PADI4: variants seen among roughly 807,000 people sequenced by gnomAD.
PADI4 encodes protein-arginine deiminase type-4.
Under a neutral mutation model 75.0 loss-of-function variants are expected in PADI4, and 62 were observed. That is an observed-to-expected ratio of 0.83 (90% CI 0.67 to 1.02). The LOEUF is 1.02. Ranked by LOEUF, PADI4 falls within the 50% of genes least tolerant of loss-of-function variation. The probability of loss-of-function intolerance (pLI) is 0.00; values close to 1 mark genes in which losing one functional copy is unlikely to be tolerated. For missense variants in PADI4, 845 were observed against 850.5 expected, an observed-to-expected ratio of 0.99 and a Z score of 0.08; for synonymous variants, 361 against 348.1, an observed-to-expected ratio of 1.04 and a Z score of -0.41.
Position 17,309,172 on chromosome 1 carries a change from GAA to G in PADI4, c.92+873_92+874del, listed in dbSNP as rs35072789. On this transcript the variant is annotated intron_variant, in intron 1 of 15. Transcript: ENST00000375448. ...AAAAAAAAAAAAACAATTTTCCCTG[GAA>G]AAAAAAAAAAAAAAGAGCTGGAGTC... is the stretch of plus-strand genomic sequence containing the variant. 8.3e-4 allele frequency among the ~76,000 whole-genome samples: 119 copies of G among 143,754 alleles called. 2 individuals carry two copies. The highest frequency in any genetic ancestry group is 2.8e-3 in the African/African-American group (107 of 38,576). 94.3% of individuals were successfully genotyped at this position (143,754 alleles called of 152,430 possible).
intron 1 of PADI4, among the ~76,000 whole-genome samples, chr1:17,309,552 C>T (rs1039575210): frequency 3.3e-5 from 5 of 152,192 alleles, no homozygotes; most frequent in Admixed American, 1.3e-4. Flanking sequence ...CTCAACCCCT[C>T]GGTCTCTCTG....
In PADI4 at chr1:17,346,697, C is replaced by T. The variant is rs1185022731; in HGVS notation, c.1047+558C>T. ...AGGACTGAGACTGGGCCTCATCCAG[C>T]CTAGCACCCTGACCCTCCCCACCAC... is the stretch of plus-strand genomic sequence containing the variant. On this transcript the variant is annotated intron_variant, in intron 9 of 15. Coordinates refer to ENST00000375448, the MANE Select transcript of PADI4 (RefSeq NM_012387.3). This position sits in a 1 kb window ranked among gnomAD's most constrained non-coding sequence, Gnocchi z 4.3. Among the ~76,000 whole-genome samples the T allele has an allele frequency of 6.6e-6, 1 of 152,150 alleles. No individual in the cohort carries two copies. Among genetic ancestry groups the T allele is most frequent in the Non-Finnish European group, 1.5e-5 (1 of 68,036 alleles).
intron 10 of PADI4, among the ~76,000 whole-genome samples, chr1:17,352,012 G>GTGGT (rs1557576556): frequency 6.3e-5 from 2 of 31,816 alleles, no homozygotes; most frequent in Admixed American, 7.7e-4. Flanking sequence ...GTGATGGGAG[G>GTGGT]AGAGGCGGCC....
chr1:17,354,539 G>T lies in PADI4; in HGVS notation c.1162G>T (p.Asp388Tyr). ...EFPIKRVMGP[D>Y]FGYVTRGPQT... Reference sequence around the variant, plus strand: ...CTCCCTTCTCCTATCTCAGGGTCCAGATTTTGGCTATGTAACTCGAGGGCC... The same window carrying T: ...CTCCCTTCTCCTATCTCAGGGTCCATATTTTGGCTATGTAACTCGAGGGCC... Residue 388 changes from aspartate to tyrosine, a missense_variant, in exon 11 of 16, where the codon GAT becomes TAT. Coordinates refer to ENST00000375448, the MANE Select transcript of PADI4 (RefSeq NM_012387.3). The T allele has an allele frequency of 6.2e-7, 1 of 1,614,134 alleles. No homozygotes were observed. The highest frequency in any genetic ancestry group is 1.7e-5 in the Admixed American group (1 of 60,020).
At chr1:17,314,566 G>A (rs1396454537) in intron 1 of PADI4, among the ~76,000 whole-genome samples, 3 of 152,124 alleles carry the variant, frequency 2.0e-5, no homozygotes, top group African/African-American at 7.2e-5. Context: ...CCACATGCCG[G>A]GCCCTCCAAA....
intron 5 of PADI4, among the ~76,000 whole-genome samples, chr1:17,339,386 A>G (rs16825533): frequency 0.042 from 6,354 of 152,300 alleles, 189 homozygotes; most frequent in East Asian, 0.1. Flanking sequence ...TTCTAGGTTC[A>G]AGATTCAGGG....
intron 1 of PADI4, among the ~76,000 whole-genome samples, chr1:17,324,155 G>GTTTTTTTT: frequency 7.9e-6 from 1 of 126,840 alleles, no homozygotes; most frequent in Non-Finnish European, 1.6e-5. Context: ...GGTTTTTTTT[G>GTTTTTTTT]TTTTTTTTTT....
At position 17,342,537 on chromosome 1, in the gene PADI4, TA is replaced by T. The variant is rs1489549618; in HGVS notation, c.935+140del. On this transcript the variant is annotated intron_variant, in intron 8 of 15. Coordinates refer to ENST00000375448, the MANE Select transcript of PADI4 (RefSeq NM_012387.3). ...AGAGCTTGCTGCTTGTTGGGGGCTC[TA>T]AAAAGGCAGGGAAGTTCCCTACTGT... 6.4e-6 allele frequency: 4 copies of T among 629,056 alleles called. No homozygotes were observed. In the East Asian group the frequency reaches 8.3e-5, roughly 13 times the overall value. The allele number at this position is 629,056 out of a possible 1,614,324, so 39.0% of individuals were successfully genotyped here.
chr1:17,356,368 G>A lies in PADI4; in HGVS notation c.1467G>A (p.Leu489=). ...VPAPDRKGFR[L]LLASPRSCYK... ...GTTTCTGCCTCCAGGGCTTCCGGCT[G>A]CTCCTGGCCAGCCCCAGGTCCTGCT... The change falls in exon 13 of 16, where the codon CTG becomes CTA. Residue 489 remains leucine, a synonymous_variant. Transcript: ENST00000375448. This position sits in a 1 kb window ranked among gnomAD's most constrained non-coding sequence, Gnocchi z 4.1. The A allele has an allele frequency of 2.5e-6, 4 of 1,605,170 alleles. No homozygotes were observed. Among genetic ancestry groups the A allele is most frequent in the African/African-American group, 1.3e-5 (1 of 74,728 alleles).
At chr1:17,357,536 C>A (rs145309508) in intron 13 of PADI4, among the ~76,000 whole-genome samples, 152 of 152,308 alleles carry the variant, frequency 1.0e-3, no homozygotes, top group African/African-American at 3.6e-3. Flanking sequence ...ACAGTAGATT[C>A]CATCCATTCA....
At chr1:17,343,290 T>C (rs2100746051) in intron 8 of PADI4, among the ~76,000 whole-genome samples, 1 of 152,312 alleles carries the variant, frequency 6.6e-6, no homozygotes, top group South Asian at 2.1e-4. Flanking sequence ...CTGGGTCTTA[T>C]CCCTGAGGAC....
chr1:17,361,458 G>A (rs2100263113), intron 15 of PADI4, among the ~76,000 whole-genome samples: 1 of 152,366 alleles, frequency 6.6e-6, no homozygotes, highest in African/African-American at 2.4e-5. Flanking sequence ...GGAGCTGGCT[G>A]TGGGAGGCGG....
chr1:17,308,577 A>T (rs2501799), intron 1 of PADI4, among the ~76,000 whole-genome samples: 1 of 152,120 alleles, frequency 6.6e-6, no homozygotes, highest in Non-Finnish European at 1.5e-5. Flanking sequence ...CAGGCCATCC[A>T]TCTCCCTGTC....
chr1:17,322,046 T>A (rs182986460), intron 1 of PADI4, among the ~76,000 whole-genome samples: 2 of 152,358 alleles, frequency 1.3e-5, no homozygotes, highest in East Asian at 3.9e-4. Flanking sequence ...TCAGTGAATC[T>A]GCATTTTTAC....
chr1:17,335,472 A>T (rs965737820), intron 3 of PADI4, among the ~76,000 whole-genome samples: 12 of 152,318 alleles, frequency 7.9e-5, no homozygotes, highest in African/African-American at 2.9e-4. Context: ...CCTAACTAAG[A>T]CGTGGCTATG....
chr1:17,353,229 G>A (rs1056315693), intron 10 of PADI4, among the ~76,000 whole-genome samples: 3 of 152,090 alleles, frequency 2.0e-5, no homozygotes, highest in East Asian at 3.8e-4. Flanking sequence ...TCTAGGAGCC[G>A]AGGCAGGAAG....
In PADI4 at chr1:17,346,256, C is replaced by T. The variant is rs1246526729; in HGVS notation, c.1047+117C>T. The T allele has an allele frequency of 1.9e-5, 12 of 642,316 alleles. No homozygotes were observed. Among genetic ancestry groups the T allele is most frequent in the Non-Finnish European group, 2.2e-5 (8 of 357,780 alleles). The allele number at this position is 642,316 out of a possible 1,614,324, so 39.8% of individuals were successfully genotyped here. ...CACCGGCCACTCTTCCTTAGATGGA[C>T]AGGGAGATAGGAACCTGAGAGATCC... On this transcript the variant is annotated intron_variant, in intron 9 of 15. Coordinates refer to ENST00000375448, the MANE Select transcript of PADI4 (RefSeq NM_012387.3). The surrounding 1 kb of genome is among the most constrained non-coding windows in gnomAD (Gnocchi z 4.3).
At chr1:17,310,473 C>T (rs1222876250) in intron 1 of PADI4, among the ~76,000 whole-genome samples, 2 of 152,188 alleles carry the variant, frequency 1.3e-5, no homozygotes, top group African/African-American at 4.8e-5. Flanking sequence ...GCCACTCCCT[C>T]CTCACCTCCG....
At chr1:17,326,483 G>A (rs2074119207) in intron 1 of PADI4, among the ~76,000 whole-genome samples, 1 of 152,030 alleles carries the variant, frequency 6.6e-6, no homozygotes, top group Non-Finnish European at 1.5e-5. Flanking sequence ...TGAGATGTCT[G>A]GTTTTAAATT....
Sources: gnomAD v4.1 joint callset for allele counts (sites outside exome capture counted in the v4.1 genomes callset) on GRCh38, gnomAD v4.1.1 for gene constraint, Gnocchi (gnomAD v3.1) non-coding constraint, MANE v1.5 for transcripts, NCBI Gene and HGNC (gene_info 2026-07-23, HGNC 2026-07-21) for gene names.